CRHR2: variants seen among roughly 807,000 people sequenced by gnomAD.
CRHR2 encodes the protein corticotropin releasing hormone receptor 2, also known as corticotropin-releasing hormone receptor 2.
Under a neutral mutation model 57.9 loss-of-function variants are expected in CRHR2, and 53 were observed. That is an observed-to-expected ratio of 0.92 (90% CI 0.73 to 1.15). The LOEUF (loss-of-function observed/expected upper bound fraction) is 1.15, where lower values mean the gene tolerates loss of function less well. CRHR2 is among the 50% of genes most tolerant of loss of function. The pLI is 0.00. For synonymous variants in CRHR2, 213 were observed against 220.9 expected, an observed-to-expected ratio of 0.96 and a Z score of 0.32; for missense variants, 532 against 542.6, an observed-to-expected ratio of 0.98 and a Z score of 0.19.
At chr7:30,681,557 A>G (rs1439172995) in intron 2 of CRHR2, among the ~76,000 whole-genome samples, 1 of 152,160 alleles carries the variant, frequency 6.6e-6, no homozygotes, top group Non-Finnish European at 1.5e-5. Context: ...TGGGCAGGGG[A>G]AGCATTGTCT....
upstream of CRHR2, chr7:30,686,498 A>G: frequency 6.6e-7 from 1 of 1,512,330 alleles, no homozygotes. Flanking sequence ...GAATTATTTC[A>G]AGGTATCTTT....
intron 2 of CRHR2, among the ~76,000 whole-genome samples, chr7:30,688,518 C>T (rs1239203936): frequency 6.6e-6 from 1 of 152,236 alleles, no homozygotes; most frequent in Non-Finnish European, 1.5e-5. Flanking sequence ...CTCTTTGACG[C>T]CTGGCTTGGG....
chr7:30,673,043 C>A (rs1023832257), intron 2 of CRHR2, among the ~76,000 whole-genome samples: 7 of 152,204 alleles, frequency 4.6e-5, no homozygotes, highest in African/African-American at 7.2e-5. Context: ...AGTGTCATTA[C>A]CACTTGGTGT....
At chr7:30,681,835 GTCCGGAATCCTCT>G (rs1398780301) in intron 2 of CRHR2, 67 bp downstream of exon 2, 1 of 1,506,912 alleles carries the variant, frequency 6.6e-7, no homozygotes, top group Admixed American at 2.3e-5. Context: ...GTACCGCTGG[GTCCGGAATCCTCT>G]TTACTCCCTA....
chr7:30,662,109 C>A (rs551153134), intron 7 of CRHR2, 47 bp downstream of exon 7: 3 of 1,603,084 alleles, frequency 1.9e-6, no homozygotes, highest in African/African-American at 2.7e-5. Flanking sequence ...GTCCTAACAC[C>A]CCCATTCCCT....
At position 30,665,692 on chromosome 7, in the gene CRHR2, G is replaced by C; in HGVS notation, c.316-53C>G. On this transcript the variant is annotated intron_variant, in intron 3 of 11. Coordinates refer to ENST00000471646, the MANE Select transcript of CRHR2 (RefSeq NM_001883.5). This position sits in a 1 kb window ranked among gnomAD's most constrained non-coding sequence, Gnocchi z 4.5. Reference sequence around the variant, plus strand: ...ATGGAGGCATGGGCACGTGGGGGTGGGGCTGGGTATTCCAGCCGTGGCCAC... The same window carrying C: ...ATGGAGGCATGGGCACGTGGGGGTGCGGCTGGGTATTCCAGCCGTGGCCAC... The C allele has an allele frequency of 6.8e-7, 1 of 1,470,408 alleles. No individual in the cohort carries two copies. The highest frequency in any genetic ancestry group is 1.2e-5 in the South Asian group (1 of 81,648). The allele number at this position is 1,470,408 out of a possible 1,614,324, so 91.1% of individuals were successfully genotyped here.
At chr7:30,654,449 G>A (rs1347520386) in intron 11 of CRHR2, among the ~76,000 whole-genome samples, 2 of 152,152 alleles carry the variant, frequency 1.3e-5, no homozygotes, top group East Asian at 1.9e-4. Context: ...TGGAGTGTTC[G>A]GAAGCTCCCA....
chr7:30,660,790 C>T (rs1783969514), intron 7 of CRHR2, 145 bp from the exon 8 acceptor site: 1 of 760,598 alleles, frequency 1.3e-6, no homozygotes, highest in Non-Finnish European at 2.1e-6. Flanking sequence ...GGTGGAAATA[C>T]CAGCTCCACT....
intron 2 of CRHR2, chr7:30,689,186 C>T (rs761842631): frequency 2.7e-5 from 42 of 1,549,906 alleles, no homozygotes; most frequent in Non-Finnish European, 3.2e-5. Context: ...GCAGAGGGTA[C>T]CTACCTGAGA....
upstream of CRHR2, among the ~76,000 whole-genome samples, chr7:30,686,790 T>C (rs1029581249): frequency 6.6e-6 from 1 of 152,254 alleles, no homozygotes; most frequent in Non-Finnish European, 1.5e-5. Context: ...GAAGTCATAA[T>C]TGCTCTGTGA....
chr7:30,680,988 T>C (rs1351564093), intron 2 of CRHR2, among the ~76,000 whole-genome samples: 1 of 151,970 alleles, frequency 6.6e-6, no homozygotes, highest in Non-Finnish European at 1.5e-5. Flanking sequence ...CGGCTGGAGA[T>C]ATCAGGGGGG....
At chr7:30,691,954 C>T (rs1241071671) in intron 1 of CRHR2, among the ~76,000 whole-genome samples, 1 of 152,148 alleles carries the variant, frequency 6.6e-6, no homozygotes, top group Non-Finnish European at 1.5e-5. Context: ...TAATCCCATT[C>T]CAAGGACTTG....
intron 2 of CRHR2, among the ~76,000 whole-genome samples, chr7:30,672,942 C>T (rs942477950): frequency 1.3e-5 from 2 of 152,214 alleles, no homozygotes; most frequent in Admixed American, 6.5e-5. Flanking sequence ...CGCTTCCTCA[C>T]GGGAGACCCT....
upstream of CRHR2, among the ~76,000 whole-genome samples, chr7:30,683,921 G>T (rs1784804130): frequency 2.0e-5 from 3 of 152,216 alleles, no homozygotes; most frequent in Admixed American, 1.3e-4. Context: ...CAGCAGGCAG[G>T]CTGCTTTTGT....
At chr7:30,679,559 T>C (rs1018362242) in intron 2 of CRHR2, among the ~76,000 whole-genome samples, 2 of 152,178 alleles carry the variant, frequency 1.3e-5, no homozygotes, top group Non-Finnish European at 2.9e-5. Context: ...TTCTCTGTGC[T>C]CAGCTGAGTT....
intron 7 of CRHR2, among the ~76,000 whole-genome samples, chr7:30,661,537 A>G (rs887518069): frequency 1.3e-4 from 20 of 152,282 alleles, no homozygotes; most frequent in Admixed American, 2.0e-4. Context: ...TGCTCTCTCC[A>G]GGCTCTGAGA....
At position 30,662,182 on chromosome 7, in the gene CRHR2, G is replaced by C. The variant is rs113101753; in HGVS notation, c.732C>G (p.Ile244Met). 1 of 1,614,124 alleles carries C rather than the reference G, an allele frequency of 6.2e-7. No homozygotes were observed. Among genetic ancestry groups the C allele is most frequent in the Non-Finnish European group, 8.5e-7 (1 of 1,180,028 alleles). The change falls in exon 7 of 12, where the codon ATC (isoleucine) becomes ATG (methionine). Residue 244 changes from isoleucine to methionine, a missense_variant. Transcript: ENST00000471646. ...IPFPIIVAWA[I>M]GKLYYENEQC... ...GTTCATTCTCATAGTAGAGCTTGCCGATGGCCCAGGCGACGATGATGGGGA... is the reference window on the plus strand; with the variant it reads ...GTTCATTCTCATAGTAGAGCTTGCCCATGGCCCAGGCGACGATGATGGGGA...
chr7:30,665,800 G>A lies in CRHR2; in HGVS notation c.316-161C>T, dbSNP rs1784168778. 6.6e-6 allele frequency among the ~76,000 whole-genome samples: 1 copy of A among 152,168 alleles called. No homozygotes were observed. The highest frequency in any genetic ancestry group is 2.1e-4 in the South Asian group (1 of 4,822). On this transcript the variant is annotated intron_variant, in intron 3 of 11. Coordinates refer to ENST00000471646, the MANE Select transcript of CRHR2 (RefSeq NM_001883.5). The surrounding 1 kb of genome is among the most constrained non-coding windows in gnomAD (Gnocchi z 4.5). ...CTTAGGGTTCGTTCCTGTTGGCCCT[G>A]GGTGGCTCTTGTTGTTATAAATGGC... is the stretch of plus-strand genomic sequence containing the variant.
Position 30,660,563 on chromosome 7 carries a change from G to T in CRHR2, c.831+10C>A. 6.4e-7 allele frequency: 1 copy of T among 1,558,344 alleles called. No homozygotes were observed. The highest frequency in any genetic ancestry group is 8.7e-7 in the Non-Finnish European group (1 of 1,150,926). On this transcript the variant is annotated intron_variant, in intron 8 of 11. Transcript: ENST00000471646. ...ACCCAGCCCCATCCCAGCCACCGCT[G>T]AGGGCTTACCAGGAGCACGAGAATG...
Sources: gnomAD v4.1 joint callset for allele counts (sites outside exome capture counted in the v4.1 genomes callset) on GRCh38, gnomAD v4.1.1 for gene constraint, Gnocchi (gnomAD v3.1) non-coding constraint, MANE v1.5 for transcripts, NCBI Gene and HGNC (gene_info 2026-07-23, HGNC 2026-07-21) for gene names.